PRKN: variants seen among roughly 807,000 people sequenced by gnomAD.
The protein encoded by PRKN is parkin RBR E3 ubiquitin protein ligase.
Under a neutral mutation model 59.5 loss-of-function variants are expected in PRKN, and 56 were observed. That is an observed-to-expected ratio of 0.94 (90% CI 0.76 to 1.18). The LOEUF (loss-of-function observed/expected upper bound fraction) is 1.18, where lower values mean the gene tolerates loss of function less well. Among genes scored for constraint, PRKN ranks in the 50% most tolerant of loss-of-function variants. The pLI, the probability that PRKN is intolerant of heterozygous loss-of-function variation, is 0.00. For missense variants in PRKN, 657 were observed against 596.4 expected (o/e 1.10, Z -1.06); for synonymous variants, 250 against 222.1 (o/e 1.13, Z -1.12).
intron 1 of PRKN, among the ~76,000 whole-genome samples, chr6:162,574,199 G>T (rs1780463477): frequency 6.6e-6 from 1 of 151,958 alleles, no homozygotes; most frequent in Non-Finnish European, 1.5e-5. Context: ...CTCAAGATTA[G>T]CCCCCAAATC....
Position 161,480,626 on chromosome 6 carries a change from C to G in PRKN, c.1083+68228G>C, listed in dbSNP as rs1305682511. ...ACACTATTACAGGAAGCAGACAAGACTCAGGAAATATCGTCTCCTTTGTAG... is the reference window on the plus strand; with the variant it reads ...ACACTATTACAGGAAGCAGACAAGAGTCAGGAAATATCGTCTCCTTTGTAG... On this transcript the variant is annotated intron_variant, in intron 9 of 11. Transcript: ENST00000366898. This position sits in a 1 kb window ranked among gnomAD's most constrained non-coding sequence, Gnocchi z 4.1. Among the ~76,000 whole-genome samples the G allele has an allele frequency of 1.3e-5, 2 of 152,144 alleles. No individual in the cohort carries two copies. The highest frequency in any genetic ancestry group is 2.9e-5 in the Non-Finnish European group (2 of 68,038).
chr6:161,785,416 T>C (rs1377909335), intron 7 of PRKN, among the ~76,000 whole-genome samples: 7 of 152,224 alleles, frequency 4.6e-5, no homozygotes, highest in Admixed American at 1.3e-4. Context: ...TTTTGAGTGA[T>C]AGAGGTATAC....
intron 3 of PRKN, among the ~76,000 whole-genome samples, chr6:162,250,712 T>A (rs1198854838): frequency 6.6e-6 from 1 of 152,220 alleles, no homozygotes; most frequent in East Asian, 1.9e-4. Flanking sequence ...TCGCAATGCA[T>A]CTCCAATTAT....
At chr6:162,466,465 C>T (rs1314811594) in intron 1 of PRKN, among the ~76,000 whole-genome samples, 1 of 152,178 alleles carries the variant, frequency 6.6e-6, no homozygotes, top group East Asian at 1.9e-4. Flanking sequence ...GTGTTGCCAT[C>T]ATGGCTCACT....
chr6:162,243,756 C>T (rs180748783), intron 3 of PRKN, among the ~76,000 whole-genome samples: 17 of 152,124 alleles, frequency 1.1e-4, no homozygotes, highest in South Asian at 2.1e-4. Flanking sequence ...TCAGTGAGTT[C>T]TTAGGGAAAA....
At chr6:162,591,380 G>A (rs895156605) in intron 1 of PRKN, among the ~76,000 whole-genome samples, 6 of 151,756 alleles carry the variant, frequency 4.0e-5, no homozygotes, top group East Asian at 1.9e-4. Context: ...AATTTTTCAC[G>A]GATACATAAT....
chr6:162,258,599 A>C (rs1406460305), intron 3 of PRKN, among the ~76,000 whole-genome samples: 1 of 152,184 alleles, frequency 6.6e-6, no homozygotes, highest in East Asian at 1.9e-4. Context: ...GGGCAGTACT[A>C]CTCAAAGCAC....
chr6:162,698,616 T>C (rs919846650), intron 1 of PRKN, among the ~76,000 whole-genome samples: 3 of 152,156 alleles, frequency 2.0e-5, no homozygotes, highest in African/African-American at 7.2e-5. Context: ...GGTGCTGCAG[T>C]TGGCCCCAGG....
chr6:162,537,770 G>C (rs1778779059), intron 1 of PRKN, among the ~76,000 whole-genome samples: 1 of 152,244 alleles, frequency 6.6e-6, no homozygotes, highest in East Asian at 1.9e-4. Context: ...TCCACCAGCA[G>C]TGTCCATCTC....
chr6:161,676,201 G>A (rs778898534), intron 7 of PRKN, among the ~76,000 whole-genome samples: 2 of 152,166 alleles, frequency 1.3e-5, no homozygotes, highest in Non-Finnish European at 1.5e-5. Context: ...TTCGTACTTG[G>A]CCACCCAAGA....
At chr6:161,573,110 C>T (rs1044727576) in intron 7 of PRKN, among the ~76,000 whole-genome samples, 11 of 152,008 alleles carry the variant, frequency 7.2e-5, no homozygotes, top group African/African-American at 2.2e-4. Flanking sequence ...GCCGAGTGTC[C>T]GAAGGGTAGA....
In PRKN at chr6:161,356,253, CA is replaced by C. The variant is rs1468007569; in HGVS notation, c.1285+3834del. 3.3e-5 allele frequency among the ~76,000 whole-genome samples: 5 copies of C among 152,268 alleles called. No homozygotes were observed. Among genetic ancestry groups the C allele is most frequent in the Non-Finnish European group, 1.5e-5 (1 of 68,024 alleles). On this transcript the variant is annotated intron_variant, in intron 11 of 11. Coordinates refer to ENST00000366898, the MANE Select transcript of PRKN (RefSeq NM_004562.3). This position sits in a 1 kb window ranked among gnomAD's most constrained non-coding sequence, Gnocchi z 7.8. ...ATGGGATGGTGTTGACAGTGCCCCCCAACAGGAGGGCAGGGGTCTTTGGCAG... is the reference window on the plus strand; with the variant it reads ...ATGGGATGGTGTTGACAGTGCCCCCCACAGGAGGGCAGGGGTCTTTGGCAG...
chr6:161,409,369 C>A lies in PRKN; in HGVS notation c.1084-22492G>T, dbSNP rs898189820. Among the ~76,000 whole-genome samples the A allele has an allele frequency of 6.6e-6, 1 of 152,184 alleles. No individual in the cohort carries two copies. The highest frequency in any genetic ancestry group is 1.5e-5 in the Non-Finnish European group (1 of 68,036). ...TGTTCTCTAAAGCGCCAGGTTATAA[C>A]GGCCATATGTCTCCCTGAGTAGGAT... On this transcript the variant is annotated intron_variant, in intron 9 of 11. Transcript: ENST00000366898. This position sits in a 1 kb window ranked among gnomAD's most constrained non-coding sequence, Gnocchi z 4.6.
rs560724007 is a variant in PRKN, at chr6:161,963,299, G to A, written c.734+10003C>T. Among the ~76,000 whole-genome samples the A allele has an allele frequency of 3.0e-4, 45 of 152,336 alleles. 1 individual carries two copies. Among genetic ancestry groups the A allele is most frequent in the African/African-American group, 1.1e-3 (44 of 41,588 alleles). The stretch of plus-strand genomic sequence containing the variant: ...GCAATATTGCCCTGCTCTTCCCAGC[G>A]GGGGTTGCTGCGCACCTGCGGTGAC... On this transcript the variant is annotated intron_variant, in intron 6 of 11. Coordinates refer to ENST00000366898, the MANE Select transcript of PRKN (RefSeq NM_004562.3).
At chr6:161,817,117 G>T (rs1791818034) in intron 6 of PRKN, among the ~76,000 whole-genome samples, 1 of 152,032 alleles carries the variant, frequency 6.6e-6, no homozygotes, top group Admixed American at 6.6e-5. Context: ...CTACCTTCCC[G>T]GTCCACTGCT....
intron 7 of PRKN, among the ~76,000 whole-genome samples, chr6:161,698,276 A>C (rs1479470267): frequency 6.6e-6 from 1 of 152,158 alleles, no homozygotes; most frequent in Non-Finnish European, 1.5e-5. Flanking sequence ...AATGGGCCTT[A>C]CAGATCAACA....
rs1293454375 is a variant in PRKN at position 161,473,715 on chromosome 6, T to C, written c.1083+75139A>G. Among the ~76,000 whole-genome samples the C allele has an allele frequency of 6.6e-6, 1 of 152,126 alleles. No individual in the cohort carries two copies. Among genetic ancestry groups the C allele is most frequent in the African/African-American group, 2.4e-5 (1 of 41,418 alleles). ...AATTTGCAAAAAAGTAGATTTTAGG[T>C]GCTATTACTGTATACGTATGAAAAA... is the stretch of plus-strand genomic sequence containing the variant. On this transcript the variant is annotated intron_variant, in intron 9 of 11. Coordinates refer to ENST00000366898, the MANE Select transcript of PRKN (RefSeq NM_004562.3). This position sits in a 1 kb window ranked among gnomAD's most constrained non-coding sequence, Gnocchi z 4.1.
intron 4 of PRKN, among the ~76,000 whole-genome samples, chr6:162,116,403 T>C (rs1780674409): frequency 6.6e-6 from 1 of 152,296 alleles, no homozygotes; most frequent in South Asian, 2.1e-4. Flanking sequence ...ATTATGATTC[T>C]GGCATGAAAC....
At chr6:162,070,950 G>C (rs1260225532) in intron 4 of PRKN, among the ~76,000 whole-genome samples, 1 of 152,080 alleles carries the variant, frequency 6.6e-6, no homozygotes, top group Non-Finnish European at 1.5e-5. Context: ...ACTACCCTAA[G>C]AGAGAGGAAG....
Sources: gnomAD v4.1 joint callset for allele counts (sites outside exome capture counted in the v4.1 genomes callset) on GRCh38, gnomAD v4.1.1 for gene constraint, Gnocchi (gnomAD v3.1) non-coding constraint, MANE v1.5 for transcripts, NCBI Gene and HGNC (gene_info 2026-07-23, HGNC 2026-07-21) for gene names.